NEK1: variants seen among roughly 807,000 people sequenced by gnomAD.
NEK1 encodes the protein NIMA related kinase 1.
Under a neutral mutation model 182.1 loss-of-function variants are expected in NEK1, and 137 were observed. The ratio of observed to expected loss-of-function variants is 0.75; its 90% CI spans 0.65 to 0.87. NEK1 has a LOEUF of 0.87. NEK1 is among the 40% of genes least tolerant of loss of function. The probability of loss-of-function intolerance (pLI) is 0.00; values close to 1 mark genes in which losing one functional copy is unlikely to be tolerated. For synonymous variants in NEK1, 513 were observed against 492.2 expected (o/e 1.04, Z -0.56); for missense variants, 1,391 against 1,494.4 (o/e 0.93, Z 1.14).
chr4:169,507,572 A>C (rs568545157), intron 22 of NEK1, 143 bp downstream of exon 22: 1 of 499,452 alleles, frequency 2.0e-6, no homozygotes, highest in Non-Finnish European at 3.4e-6. Context: ...CTATTTTTAG[A>C]AACCAAAAAG....
At chr4:169,590,983 A>G (rs971803447) in intron 5 of NEK1, among the ~76,000 whole-genome samples, 174 bp from the exon 6 acceptor site, 2 of 152,226 alleles carry the variant, frequency 1.3e-5, no homozygotes, top group Non-Finnish European at 2.9e-5. Flanking sequence ...CTCTGCACAT[A>G]CTAAATCCAA....
chr4:169,583,651 G>A (rs1006565184), intron 10 of NEK1, among the ~76,000 whole-genome samples: 9 of 152,270 alleles, frequency 5.9e-5, no homozygotes, highest in Middle Eastern at 6.8e-3. Flanking sequence ...GGTATAGGGA[G>A]AAAGAAACCT....
rs376518375 is a variant in NEK1, at chr4:169,475,725, G to A, written c.2434+1399C>T. On this transcript the variant is annotated intron_variant, in intron 26 of 35. Coordinates refer to ENST00000507142, the MANE Select transcript of NEK1 (RefSeq NM_001199397.3). Reference sequence around the variant, plus strand: ...AAATTTTCACAACTGTATTCCATATGATCAAAAAAGTTAAGTAGAGACATG... The same window carrying A: ...AAATTTTCACAACTGTATTCCATATAATCAAAAAAGTTAAGTAGAGACATG... 6.0e-4 allele frequency among the ~76,000 whole-genome samples: 92 copies of A among 152,084 alleles called. 1 individual carries two copies. The South Asian group carries it at 0.018, about 31-fold the overall frequency.
rs183002374 is a variant in NEK1 at position 169,495,336 on chromosome 4, C to T, written c.2007+11701G>A. Reference sequence around the variant, plus strand: ...TCGACTCACTGCAAGCTCCACCTCCCGGGTTCACGCCATTCTCCTGCCTCA... The same window carrying T: ...TCGACTCACTGCAAGCTCCACCTCCTGGGTTCACGCCATTCTCCTGCCTCA... On this transcript the variant is annotated intron_variant, in intron 23 of 35. Coordinates refer to ENST00000507142, the MANE Select transcript of NEK1 (RefSeq NM_001199397.3). 8.1e-3 allele frequency among the ~76,000 whole-genome samples: 1,225 copies of T among 151,138 alleles called. 20 individuals carry two copies. Among genetic ancestry groups the T allele is most frequent in the African/African-American group, 0.027 (1,119 of 41,146 alleles).
At chr4:169,558,440 C>T (rs1405611531) in intron 16 of NEK1, among the ~76,000 whole-genome samples, 4 of 152,170 alleles carry the variant, frequency 2.6e-5, no homozygotes, top group South Asian at 2.1e-4. Context: ...AGTAAATGCT[C>T]GCACTGTCAG....
chr4:169,569,685 G>T lies in NEK1; in HGVS notation c.1020+7243C>A, dbSNP rs547225552. Among the ~76,000 whole-genome samples the T allele has an allele frequency of 1.6e-4, 25 of 152,250 alleles. No individual in the cohort carries two copies. In the East Asian group the frequency reaches 4.3e-3, roughly 26 times the overall value. ...TTTCGTATTTTTTTGGTGGAGACGG[G>T]GTTTCGCTGTGTTGGCCGGGCTGGT... On this transcript the variant is annotated intron_variant, in intron 12 of 35. Coordinates refer to ENST00000507142, the MANE Select transcript of NEK1 (RefSeq NM_001199397.3).
At chr4:169,486,836 A>T (rs1749122476) in intron 23 of NEK1, among the ~76,000 whole-genome samples, 1 of 152,240 alleles carries the variant, frequency 6.6e-6, no homozygotes, top group African/African-American at 2.4e-5. Context: ...TACATTCAAA[A>T]TATTTTATCC....
At chr4:169,573,731 G>A (rs1765233085) in intron 12 of NEK1, among the ~76,000 whole-genome samples, 1 of 152,172 alleles carries the variant, frequency 6.6e-6, no homozygotes, top group Non-Finnish European at 1.5e-5. Context: ...CACAGGAAGT[G>A]GTGATCAGGG....
intron 27 of NEK1, among the ~76,000 whole-genome samples, chr4:169,452,204 A>G: frequency 6.6e-6 from 1 of 152,214 alleles, no homozygotes; most frequent in Non-Finnish European, 1.5e-5. Flanking sequence ...GAAGTCCAGG[A>G]CCAGATGGAT....
At chr4:169,396,483 T>C (rs1423803401) in intron 35 of NEK1, among the ~76,000 whole-genome samples, 1 of 151,458 alleles carries the variant, frequency 6.6e-6, no homozygotes, top group African/African-American at 2.4e-5. Context: ...GCCACAGCTG[T>C]TATACTCCTC....
intron 16 of NEK1, 40 bp downstream of exon 16, chr4:169,561,440 G>A: frequency 1.9e-6 from 3 of 1,548,800 alleles, no homozygotes; most frequent in South Asian, 1.1e-5. Flanking sequence ...GAACTGGAGG[G>A]GAAAATGGTA....
chr4:169,488,029 T>C (rs1749359745), intron 23 of NEK1, among the ~76,000 whole-genome samples: 1 of 152,218 alleles, frequency 6.6e-6, no homozygotes, highest in African/African-American at 2.4e-5. Context: ...TTTTTGTTTT[T>C]TTCTTGTAAA....
At chr4:169,500,071 T>C (rs1448687921) in intron 23 of NEK1, among the ~76,000 whole-genome samples, 1 of 152,100 alleles carries the variant, frequency 6.6e-6, no homozygotes, top group Non-Finnish European at 1.5e-5. Flanking sequence ...CCCGGCCACT[T>C]TGTTTACCTA....
At chr4:169,424,427 G>A in intron 31 of NEK1, 126 bp downstream of exon 31, 2 of 1,138,806 alleles carry the variant, frequency 1.8e-6, no homozygotes, top group Non-Finnish European at 2.4e-6. Flanking sequence ...GAAGATGGAG[G>A]TTTTTGTTGG....
At chr4:169,488,593 G>C (rs941685528) in intron 23 of NEK1, among the ~76,000 whole-genome samples, 1 of 151,998 alleles carries the variant, frequency 6.6e-6, no homozygotes, top group African/African-American at 2.4e-5. Flanking sequence ...TTTATCCTTT[G>C]TTAGATTGAA....
chr4:169,493,866 T>C (rs1249129523), intron 23 of NEK1, among the ~76,000 whole-genome samples: 1 of 152,190 alleles, frequency 6.6e-6, no homozygotes, highest in Admixed American at 6.5e-5. Flanking sequence ...GGAAAACATA[T>C]TTCAGGGTAT....
At chr4:169,605,363 G>C (rs115532888) in intron 2 of NEK1, among the ~76,000 whole-genome samples, 1 of 152,108 alleles carries the variant, frequency 6.6e-6, no homozygotes, top group African/African-American at 2.4e-5. Context: ...CATCAAATAT[G>C]TCAAATGCAG....
At chr4:169,432,788 ATTAAT>A (rs1008813359) in intron 29 of NEK1, among the ~76,000 whole-genome samples, 2 of 152,266 alleles carry the variant, frequency 1.3e-5, no homozygotes, top group African/African-American at 2.4e-5. Flanking sequence ...TAATTAATTA[ATTAAT>A]TTGAGTTGGA....
At chr4:169,507,190 T>G (rs1488036431) in intron 22 of NEK1, 58 bp from the exon 23 acceptor site, 10 of 982,710 alleles carry the variant, frequency 1.0e-5, no homozygotes, top group East Asian at 5.4e-5. Flanking sequence ...GAGGTTTTTT[T>G]TTTTTTTTTT....
Sources: allele counts gnomAD v4.1 joint callset (sites outside exome capture counted in the v4.1 genomes callset), GRCh38; gene constraint gnomAD v4.1.1; transcripts MANE v1.5; gene names NCBI Gene and HGNC (gene_info 2026-07-23, HGNC 2026-07-21).